The following RSRC1 variants were observed in gnomAD, a reference collection of about 807,000 sequenced individuals.
The protein encoded by RSRC1 is arginine and serine rich coiled-coil 1.
Under a neutral mutation model 49.1 loss-of-function variants are expected in RSRC1, and 39 were observed. That is an observed-to-expected ratio of 0.79 (90% confidence interval 0.61 to 1.04). The LOEUF (loss-of-function observed/expected upper bound fraction) is 1.04, where lower values mean the gene tolerates loss of function less well. Ranked by LOEUF, RSRC1 falls within the 50% of genes least tolerant of loss-of-function variation. RSRC1 has a pLI of 0.00. For missense variants in RSRC1, 388 were observed against 402.4 expected (o/e 0.96, Z 0.31); for synonymous variants, 143 against 130.8 (o/e 1.09, Z -0.63).
chr3:158,355,327 C>A (rs1731097919), intron 6 of RSRC1, among the ~76,000 whole-genome samples: 1 of 150,716 alleles, frequency 6.6e-6, no homozygotes, highest in East Asian at 2.0e-4. Context: ...CATGTAAAAC[C>A]ATAAAACTTT....
At chr3:158,443,642 T>TA (rs1276712478) in intron 6 of RSRC1, among the ~76,000 whole-genome samples, 1 of 152,184 alleles carries the variant, frequency 6.6e-6, no homozygotes, top group African/African-American at 2.4e-5. Context: ...TTCACTTTCT[T>TA]ACCATTTATG....
intron 4 of RSRC1, among the ~76,000 whole-genome samples, chr3:158,257,524 T>A (rs1724634985): frequency 1.3e-5 from 2 of 152,176 alleles, no homozygotes; most frequent in South Asian, 4.1e-4. Context: ...TCAGTCTGGC[T>A]GTCTTTTTAA....
At chr3:158,344,748 C>A (rs1199078018) in intron 5 of RSRC1, among the ~76,000 whole-genome samples, 1 of 152,096 alleles carries the variant, frequency 6.6e-6, no homozygotes, top group Non-Finnish European at 1.5e-5. Context: ...AAAGCATCAA[C>A]AACAACAATG....
intron 3 of RSRC1, among the ~76,000 whole-genome samples, chr3:158,191,334 GTTTTA>G (rs1220605645): frequency 6.6e-6 from 1 of 152,000 alleles, no homozygotes; most frequent in African/African-American, 2.4e-5. Context: ...TTTAATTACA[GTTTTA>G]TTTTATGGTA....
At chr3:158,212,263 C>A (rs1463482398) in intron 4 of RSRC1, among the ~76,000 whole-genome samples, 1 of 151,742 alleles carries the variant, frequency 6.6e-6, no homozygotes, top group African/African-American at 2.4e-5. Context: ...AAAGTGATAA[C>A]ATTGCATTTT....
At chr3:158,199,542 A>T (rs1188455366) in intron 3 of RSRC1, among the ~76,000 whole-genome samples, 1 of 151,896 alleles carries the variant, frequency 6.6e-6, no homozygotes, top group Non-Finnish European at 1.5e-5. Flanking sequence ...CTTTCTTCCA[A>T]CTACTTTGGA....
At chr3:158,217,940 GT>G (rs1266430527) in intron 4 of RSRC1, among the ~76,000 whole-genome samples, 1 of 151,534 alleles carries the variant, frequency 6.6e-6, no homozygotes, top group East Asian at 1.9e-4. Context: ...GTAGGAGTTA[GT>G]GAGGGAAGGA....
intron 6 of RSRC1, among the ~76,000 whole-genome samples, chr3:158,389,129 C>T (rs1378561770): frequency 6.6e-6 from 1 of 152,120 alleles, no homozygotes; most frequent in Non-Finnish European, 1.5e-5. Context: ...GATGATGTTG[C>T]CCCCTTCCCT....
chr3:158,116,493 T>G (rs1206063774), intron 1 of RSRC1, among the ~76,000 whole-genome samples: 1 of 152,158 alleles, frequency 6.6e-6, no homozygotes, highest in Non-Finnish European at 1.5e-5. Context: ...AAATTTATGA[T>G]TTTTACTGCT....
chr3:158,302,350 TTTTAAGGC>T (rs1246242951), intron 5 of RSRC1, among the ~76,000 whole-genome samples: 1 of 152,204 alleles, frequency 6.6e-6, no homozygotes, highest in African/African-American at 2.4e-5. Flanking sequence ...CTATAACATT[TTTTAAGGC>T]TTAAAGGAAA....
chr3:158,156,058 A>G (rs1031735124), intron 3 of RSRC1, among the ~76,000 whole-genome samples: 4 of 152,174 alleles, frequency 2.6e-5, no homozygotes, highest in African/African-American at 9.7e-5. Flanking sequence ...CCTTCTTCCT[A>G]TGGAGGCTGT....
intron 5 of RSRC1, among the ~76,000 whole-genome samples, chr3:158,302,251 A>G (rs1727594471): frequency 6.6e-6 from 1 of 152,102 alleles, no homozygotes; most frequent in East Asian, 1.9e-4. Flanking sequence ...CAGGTAGCAC[A>G]TGCTTCACGT....
chr3:158,445,395 A>G (rs1008344237), intron 6 of RSRC1, among the ~76,000 whole-genome samples: 1 of 152,108 alleles, frequency 6.6e-6, no homozygotes, highest in South Asian at 2.1e-4. Flanking sequence ...TCAGCAAACT[A>G]TCGCAAGGAC....
intron 3 of RSRC1, among the ~76,000 whole-genome samples, chr3:158,149,758 A>C: frequency 6.6e-6 from 1 of 152,158 alleles, no homozygotes; most frequent in East Asian, 1.9e-4. Context: ...TCAAAGACCA[A>C]GGGGGCATGG....
chr3:158,139,371 A>G (rs960518430), intron 3 of RSRC1, among the ~76,000 whole-genome samples: 1 of 151,922 alleles, frequency 6.6e-6, no homozygotes, highest in Non-Finnish European at 1.5e-5. Flanking sequence ...GCGCCACTGC[A>G]CTCCAGTCCG....
intron 5 of RSRC1, among the ~76,000 whole-genome samples, chr3:158,327,538 A>G (rs1332885448): frequency 6.6e-5 from 10 of 152,076 alleles, no homozygotes; most frequent in African/African-American, 2.2e-4. Context: ...GTAGTTGAGC[A>G]GTTTTGAGTG....
At chr3:158,346,578 C>T (rs1213489010) in intron 5 of RSRC1, among the ~76,000 whole-genome samples, 1 of 152,142 alleles carries the variant, frequency 6.6e-6, no homozygotes, top group African/African-American at 2.4e-5. Flanking sequence ...CACAATGAGA[C>T]ACCACCACAT....
chr3:158,542,386 C>A (rs1175707157), intron 8 of RSRC1, among the ~76,000 whole-genome samples: 1 of 152,072 alleles, frequency 6.6e-6, no homozygotes, highest in Non-Finnish European at 1.5e-5. Flanking sequence ...CAAAAATTAG[C>A]CGAGTGTGCA....
chr3:158,339,148 C>T (rs1034159889), intron 5 of RSRC1, among the ~76,000 whole-genome samples: 4 of 151,822 alleles, frequency 2.6e-5, no homozygotes, highest in South Asian at 2.1e-4. Context: ...AAAAATTAGC[C>T]GGGCGCGGTG....
Sources: allele counts gnomAD v4.1 joint callset (sites outside exome capture counted in the v4.1 genomes callset), GRCh38; gene constraint gnomAD v4.1.1; transcripts MANE v1.5; gene names NCBI Gene and HGNC (gene_info 2026-07-23, HGNC 2026-07-21).